PLCXD3: variants seen among roughly 807,000 people sequenced by gnomAD.
PLCXD3 encodes the protein PI-PLC X domain-containing protein 3.
PLCXD3 carries 19 observed loss-of-function variants against 25.5 expected under a neutral mutation model. The ratio of observed to expected loss-of-function variants is 0.75; its 90% CI spans 0.52 to 1.09. The LOEUF (loss-of-function observed/expected upper bound fraction) is 1.09. Among genes scored for constraint, PLCXD3 ranks in the 50% least tolerant of loss-of-function variants. The pLI is 0.00. For synonymous variants in PLCXD3, 174 were observed against 137.6 expected, an observed-to-expected ratio of 1.26 and a Z score of -1.85; for missense variants, 411 against 388.1, an observed-to-expected ratio of 1.06 and a Z score of -0.50.
intron 2 of PLCXD3, among the ~76,000 whole-genome samples, chr5:41,357,298 A>C (rs2150483622): frequency 6.6e-6 from 1 of 152,330 alleles, no homozygotes; most frequent in East Asian, 1.9e-4. Flanking sequence ...TGTCAAAAAT[A>C]CTGTATATTG....
intron 1 of PLCXD3, among the ~76,000 whole-genome samples, chr5:41,461,380 A>G (rs1011336767): frequency 6.6e-6 from 1 of 151,930 alleles, no homozygotes; most frequent in African/African-American, 2.4e-5. Context: ...AAAAACCTAT[A>G]AAAGGGGAGA....
intron 1 of PLCXD3, among the ~76,000 whole-genome samples, chr5:41,500,622 TG>T (rs974614056): frequency 2.5e-4 from 38 of 151,568 alleles, no homozygotes; most frequent in Non-Finnish European, 1.5e-5. Context: ...GTAAAACTCC[TG>T]GAAGAAAATG....
chr5:41,360,688 C>T (rs1305999567), intron 2 of PLCXD3, among the ~76,000 whole-genome samples: 1 of 151,734 alleles, frequency 6.6e-6, no homozygotes, highest in East Asian at 1.9e-4. Flanking sequence ...CGAGTGTCTG[C>T]AAAGAGTCTT....
intron 2 of PLCXD3, among the ~76,000 whole-genome samples, chr5:41,379,338 G>GA (rs1055929873): frequency 6.6e-6 from 1 of 152,022 alleles, no homozygotes; most frequent in Non-Finnish European, 1.5e-5. Context: ...TTAATTACCA[G>GA]AAAAAATAAC....
Position 41,382,478 on chromosome 5 carries a change from G to T in PLCXD3, c.160C>A (p.Gln54Lys). 1 of 1,610,784 alleles carries T rather than the reference G, an allele frequency of 6.2e-7. No homozygotes were observed. Among genetic ancestry groups the T allele is most frequent in the Non-Finnish European group, 8.5e-7 (1 of 1,179,568 alleles). Residue 54 changes from glutamine (Q) to lysine (K), a missense_variant, in exon 2 of 3, where the codon CAG (glutamine) becomes AAG (lysine). Coordinates refer to ENST00000377801, the MANE Select transcript of PLCXD3 (RefSeq NM_001005473.3). Reference protein sequence around the residue: ...IDEASPVGPEQPETVQNFVSV... With the variant: ...IDEASPVGPEKPETVQNFVSV... ...ACAAAATTCTGGACAGTTTCTGGCT[G>T]CTCAGGACCTACTGGAGAGGCTTCA... is the stretch of plus-strand genomic sequence containing the variant.
intron 2 of PLCXD3, among the ~76,000 whole-genome samples, chr5:41,321,784 C>T (rs1743478537): frequency 3.3e-5 from 5 of 152,188 alleles, no homozygotes; most frequent in Admixed American, 3.3e-4. Flanking sequence ...TTACGGTCAA[C>T]TCACTTTTGA....
At chr5:41,373,910 C>T (rs1009488232) in intron 2 of PLCXD3, among the ~76,000 whole-genome samples, 14 of 152,006 alleles carry the variant, frequency 9.2e-5, no homozygotes, top group Admixed American at 8.5e-4. Context: ...TAGGGTCAAA[C>T]TAAGTAACAC....
intron 1 of PLCXD3, among the ~76,000 whole-genome samples, chr5:41,389,358 G>A (rs1745738600): frequency 6.6e-6 from 1 of 152,136 alleles, no homozygotes; most frequent in Non-Finnish European, 1.5e-5. Context: ...AGATTTAGCA[G>A]TGTGAGAGTA....
chr5:41,411,831 T>C (rs1273703065), intron 1 of PLCXD3, among the ~76,000 whole-genome samples: 2 of 148,526 alleles, frequency 1.3e-5, no homozygotes, highest in African/African-American at 4.9e-5. Context: ...CATATTGATA[T>C]CCATATATAT....
intron 2 of PLCXD3, among the ~76,000 whole-genome samples, chr5:41,343,055 A>G (rs551840399): frequency 6.6e-6 from 1 of 152,286 alleles, no homozygotes; most frequent in African/African-American, 2.4e-5. Flanking sequence ...AAAATGTAAA[A>G]GTTTAGTGAT....
chr5:41,374,218 T>C (rs1057460559), intron 2 of PLCXD3, among the ~76,000 whole-genome samples: 1 of 152,118 alleles, frequency 6.6e-6, no homozygotes, highest in African/African-American at 2.4e-5. Context: ...CACTTGAGTC[T>C]GTTAAGAATG....
intron 2 of PLCXD3, among the ~76,000 whole-genome samples, chr5:41,372,082 C>T (rs1044326290): frequency 1.3e-5 from 2 of 152,124 alleles, no homozygotes; most frequent in Non-Finnish European, 2.9e-5. Context: ...CTACCCCCAT[C>T]GACCTACCTC....
At chr5:41,470,853 C>T (rs1748139721) in intron 1 of PLCXD3, among the ~76,000 whole-genome samples, 2 of 152,170 alleles carry the variant, frequency 1.3e-5, no homozygotes, top group South Asian at 2.1e-4. Flanking sequence ...ACATTTGCCA[C>T]CTGATCTGCC....
intron 1 of PLCXD3, among the ~76,000 whole-genome samples, chr5:41,391,860 A>G (rs1288521715): frequency 6.6e-6 from 1 of 152,126 alleles, no homozygotes. Flanking sequence ...AGCATCTACC[A>G]CAAGCTGACT....
At chr5:41,446,544 T>G (rs1747508874) in intron 1 of PLCXD3, among the ~76,000 whole-genome samples, 1 of 152,210 alleles carries the variant, frequency 6.6e-6, no homozygotes, top group South Asian at 2.1e-4. Flanking sequence ...TTTCTTTTTT[T>G]TTTTTTCATT....
At chr5:41,499,911 T>G (rs114253518) in intron 1 of PLCXD3, among the ~76,000 whole-genome samples, 6 of 151,796 alleles carry the variant, frequency 4.0e-5, no homozygotes, top group African/African-American at 1.4e-4. Context: ...GATAAAGATG[T>G]TGGGAAACTA....
intron 1 of PLCXD3, among the ~76,000 whole-genome samples, chr5:41,461,212 G>A (rs2150516994): frequency 6.6e-6 from 1 of 152,004 alleles, no homozygotes; most frequent in South Asian, 2.1e-4. Flanking sequence ...AAAATCAACA[G>A]GGGTACATCA....
intron 1 of PLCXD3, among the ~76,000 whole-genome samples, chr5:41,490,771 G>A (rs1438393902): frequency 1.4e-4 from 22 of 152,148 alleles, no homozygotes; most frequent in South Asian, 4.2e-4. Context: ...CTGTGGGATC[G>A]GTGGTGATAT....
intron 1 of PLCXD3, among the ~76,000 whole-genome samples, chr5:41,454,707 A>G (rs959087161): frequency 6.6e-6 from 1 of 151,972 alleles, no homozygotes; most frequent in Non-Finnish European, 1.5e-5. Flanking sequence ...TTATGTATCC[A>G]CAAGCCAAGG....
Sources: gnomAD v4.1 joint callset for allele counts (sites outside exome capture counted in the v4.1 genomes callset) on GRCh38, gnomAD v4.1.1 for gene constraint, MANE v1.5 for transcripts, NCBI Gene and HGNC (gene_info 2026-07-23, HGNC 2026-07-21) for gene names.